The following RABGAP1L variants were observed in gnomAD, a reference collection of about 807,000 sequenced individuals.
RABGAP1L encodes the protein RAB GTPase activating protein 1 like, also known as rab GTPase-activating protein 1-like.
Under a neutral mutation model 137.7 loss-of-function variants are expected in RABGAP1L, and 63 were observed. That is an observed-to-expected ratio of 0.46 (90% CI 0.37 to 0.56). The LOEUF (loss-of-function observed/expected upper bound fraction) is 0.56. RABGAP1L is among the 20% of genes least tolerant of loss of function. RABGAP1L has a pLI of 0.00. For missense variants in RABGAP1L, 1,095 were observed against 1,244.0 expected (o/e 0.88, Z 1.80); for synonymous variants, 431 against 433.7 (o/e 0.99, Z 0.08).
chr1:174,349,500 A>G (rs1438409239), intron 11 of RABGAP1L, among the ~76,000 whole-genome samples: 2 of 109,396 alleles, frequency 1.8e-5, no homozygotes, highest in Admixed American at 9.0e-5. Flanking sequence ...CTGGCCGGGC[A>G]GAGGGGCTCC....
At chr1:174,349,594 C>T (rs1682862141) in intron 11 of RABGAP1L, among the ~76,000 whole-genome samples, 1 of 143,652 alleles carries the variant, frequency 7.0e-6, no homozygotes, top group Non-Finnish European at 1.6e-5. Context: ...GCTGACCCCC[C>T]CCACCTCCCT....
At chr1:174,673,853 A>G (rs1677367508) in intron 14 of RABGAP1L, among the ~76,000 whole-genome samples, 1 of 152,200 alleles carries the variant, frequency 6.6e-6, no homozygotes, top group Admixed American at 6.5e-5. Flanking sequence ...CTCAATAAAG[A>G]TAGTTCTGTG....
intron 13 of RABGAP1L, among the ~76,000 whole-genome samples, chr1:174,616,689 C>T (rs1477723821): frequency 1.3e-5 from 2 of 152,158 alleles, no homozygotes; most frequent in Non-Finnish European, 2.9e-5. Flanking sequence ...AAGTTCACTC[C>T]ATTGCGGTTG....
chr1:174,510,154 C>T (rs1662194614), intron 13 of RABGAP1L, among the ~76,000 whole-genome samples: 1 of 152,194 alleles, frequency 6.6e-6, no homozygotes, highest in South Asian at 2.1e-4. Flanking sequence ...ATTTGCAAGG[C>T]CTGTCCCAGT....
chr1:174,511,824 G>A (rs182385606), intron 13 of RABGAP1L, among the ~76,000 whole-genome samples: 218 of 152,208 alleles, frequency 1.4e-3, no homozygotes, highest in Non-Finnish European at 2.6e-3. Flanking sequence ...GTTTCTCCAT[G>A]TTGAGGCTGG....
rs558797311 is a variant in RABGAP1L, at chr1:174,532,171, A to G, written c.1711-105204A>G. ...GCCTATTGAGAAAGCAGTTTAGATC[A>G]GAAGTCAGAAGGATCACAGGAGTTT... On this transcript the variant is annotated intron_variant, in intron 13 of 25. Coordinates refer to ENST00000681986, the MANE Select transcript of RABGAP1L (RefSeq NM_001366446.1). Among the ~76,000 whole-genome samples, 4 of 152,094 alleles carry G rather than the reference A, an allele frequency of 2.6e-5. No homozygotes were observed. The South Asian group carries it at 8.3e-4, about 32-fold the overall frequency.
intron 1 of RABGAP1L, among the ~76,000 whole-genome samples, chr1:174,179,800 G>A (rs1395960113): frequency 6.6e-6 from 1 of 152,128 alleles, no homozygotes; most frequent in African/African-American, 2.4e-5. Context: ...TGGGGTCCAT[G>A]GACCACACTT....
intron 14 of RABGAP1L, among the ~76,000 whole-genome samples, chr1:174,668,212 C>T (rs1171316685): frequency 6.6e-6 from 1 of 152,164 alleles, no homozygotes; most frequent in Non-Finnish European, 1.5e-5. Context: ...GCTTATTCCA[C>T]CTATCTAACT....
At chr1:174,858,900 C>CA (rs1649753124) in intron 19 of RABGAP1L, among the ~76,000 whole-genome samples, 1 of 151,992 alleles carries the variant, frequency 6.6e-6, no homozygotes, top group Non-Finnish European at 1.5e-5. Flanking sequence ...ATTAAAAAGT[C>CA]AAAAAATAAC....
chr1:174,196,458 T>C (rs1165194570), intron 1 of RABGAP1L, among the ~76,000 whole-genome samples: 1 of 152,038 alleles, frequency 6.6e-6, no homozygotes, highest in Non-Finnish European at 1.5e-5. Context: ...TCTCCTGACC[T>C]TGTGATCCAC....
intron 13 of RABGAP1L, among the ~76,000 whole-genome samples, chr1:174,622,082 A>T (rs1305871044): frequency 6.6e-6 from 1 of 152,356 alleles, no homozygotes; most frequent in Non-Finnish European, 1.5e-5. Flanking sequence ...ACATTTATGC[A>T]GCCAAGAGAC....
intron 24 of RABGAP1L, among the ~76,000 whole-genome samples, chr1:174,984,715 C>T (rs976024308): frequency 6.6e-6 from 1 of 152,112 alleles, no homozygotes; most frequent in Non-Finnish European, 1.5e-5. Context: ...GTACTCCAGC[C>T]TGAGCAGCAG....
At chr1:174,865,667 A>G (rs1651080504) in intron 19 of RABGAP1L, among the ~76,000 whole-genome samples, 1 of 152,172 alleles carries the variant, frequency 6.6e-6, no homozygotes, top group Non-Finnish European at 1.5e-5. Context: ...CAGGCACAGT[A>G]ACTTGTGCCT....
intron 1 of RABGAP1L, among the ~76,000 whole-genome samples, chr1:174,196,109 C>T (rs1052962475): frequency 3.3e-5 from 5 of 151,832 alleles, no homozygotes; most frequent in African/African-American, 4.8e-5. Context: ...TGAGCCACCA[C>T]GCCTGGGCTG....
intron 19 of RABGAP1L, among the ~76,000 whole-genome samples, chr1:174,914,976 A>G (rs1349223139): frequency 6.6e-6 from 1 of 152,210 alleles, no homozygotes; most frequent in Non-Finnish European, 1.5e-5. Context: ...TATAGTAAAT[A>G]ACAGTTATTT....
At chr1:174,538,018 C>G (rs1665028826) in intron 13 of RABGAP1L, among the ~76,000 whole-genome samples, 1 of 152,110 alleles carries the variant, frequency 6.6e-6, no homozygotes. Flanking sequence ...TCTTTAGAAA[C>G]AAATTCAGAA....
chr1:174,823,497 A>G (rs1691250728), intron 19 of RABGAP1L, among the ~76,000 whole-genome samples: 1 of 152,210 alleles, frequency 6.6e-6, no homozygotes, highest in South Asian at 2.1e-4. Context: ...TCCGATTTAC[A>G]GAAGAAAAGA....
chr1:174,506,069 T>TA, intron 13 of RABGAP1L, among the ~76,000 whole-genome samples: 1 of 152,216 alleles, frequency 6.6e-6, no homozygotes, highest in South Asian at 2.1e-4. Flanking sequence ...CATGATCTCT[T>TA]ACGTGCAATC....
At chr1:174,445,383 T>A (rs932265186) in intron 13 of RABGAP1L, among the ~76,000 whole-genome samples, 6 of 152,178 alleles carry the variant, frequency 3.9e-5, no homozygotes, top group Admixed American at 3.9e-4. Context: ...CTTTGACCAT[T>A]TGACCTTTTT....
Sources: gnomAD v4.1 joint callset for allele counts (sites outside exome capture counted in the v4.1 genomes callset) on GRCh38, gnomAD v4.1.1 for gene constraint, MANE v1.5 for transcripts, NCBI Gene and HGNC (gene_info 2026-07-23, HGNC 2026-07-21) for gene names.